The following ADAMTS12 variants were observed in gnomAD, a reference collection of about 807,000 sequenced individuals.
ADAMTS12 encodes the protein ADAM metallopeptidase with thrombospondin type 1 motif 12.
Under a neutral mutation model 167.8 loss-of-function variants are expected in ADAMTS12, and 118 were observed. That is an observed-to-expected ratio of 0.70 (90% CI 0.61 to 0.82). The LOEUF (loss-of-function observed/expected upper bound fraction) is 0.82, where lower values mean the gene tolerates loss of function less well. Among genes scored for constraint, ADAMTS12 ranks in the 40% least tolerant of loss-of-function variants. The probability of loss-of-function intolerance (pLI) is 0.00; values close to 1 mark genes in which losing one functional copy is unlikely to be tolerated. For missense variants in ADAMTS12, 1,916 were observed against 1,998.8 expected (o/e 0.96, Z 0.79); for synonymous variants, 704 against 716.9 (o/e 0.98, Z 0.29).
At chr5:33,588,213 T>G (rs923684397) in intron 18 of ADAMTS12, among the ~76,000 whole-genome samples, 3 of 152,178 alleles carry the variant, frequency 2.0e-5, no homozygotes. Context: ...TTGGTTTGGG[T>G]TAACTACAGT....
intron 2 of ADAMTS12, among the ~76,000 whole-genome samples, chr5:33,808,799 G>A (rs1268195453): frequency 1.3e-5 from 2 of 152,176 alleles, no homozygotes; most frequent in Non-Finnish European, 2.9e-5. Context: ...TGAGGCCCAA[G>A]GAGATTAAAA....
chr5:33,787,299 G>A (rs1252650761), intron 2 of ADAMTS12, among the ~76,000 whole-genome samples: 2 of 152,218 alleles, frequency 1.3e-5, no homozygotes, highest in East Asian at 3.8e-4. Flanking sequence ...TTAGAAGAAA[G>A]ACAGGTTTGT....
intron 3 of ADAMTS12, among the ~76,000 whole-genome samples, chr5:33,734,879 T>C (rs1332012219): frequency 1.3e-5 from 2 of 152,210 alleles, no homozygotes; most frequent in East Asian, 3.8e-4. Flanking sequence ...TCTGTAACTC[T>C]TTGGCTCTCA....
intron 17 of ADAMTS12, among the ~76,000 whole-genome samples, chr5:33,589,180 G>A (rs1399872564): frequency 6.6e-6 from 1 of 152,166 alleles, no homozygotes; most frequent in Admixed American, 6.5e-5. Flanking sequence ...CTTTATATGA[G>A]TGTTGTGTTG....
At position 33,577,175 on chromosome 5, in the gene ADAMTS12, C is replaced by T. The variant is rs745531836; in HGVS notation, c.2866-15G>A. 2.0e-5 allele frequency: 33 copies of T among 1,613,896 alleles called. No individual in the cohort carries two copies. The highest frequency in any genetic ancestry group is 2.5e-5 in the Non-Finnish European group (30 of 1,180,014). On this transcript the variant is annotated splice_polypyrimidine_tract_variant and intron_variant, in intron 18 of 23. Transcript: ENST00000504830. Reference sequence around the variant, plus strand: ...GAAACAGAACACTAGAAGAGAGAAACAGCTGTTAGCCTGGCGAGAGAAGAT... The same window carrying T: ...GAAACAGAACACTAGAAGAGAGAAATAGCTGTTAGCCTGGCGAGAGAAGAT...
intron 16 of ADAMTS12, among the ~76,000 whole-genome samples, chr5:33,613,986 C>T (rs1298956971): frequency 1.3e-5 from 2 of 152,124 alleles, no homozygotes; most frequent in Non-Finnish European, 2.9e-5. Flanking sequence ...AACATTCAAA[C>T]AAAGGTTTTA....
chr5:33,811,386 G>C (rs978024975), intron 2 of ADAMTS12, among the ~76,000 whole-genome samples: 1 of 152,168 alleles, frequency 6.6e-6, no homozygotes, highest in African/African-American at 2.4e-5. Context: ...GGAGTGCAGG[G>C]GAAGGATGAC....
Position 33,568,826 on chromosome 5 carries a change from G to A in ADAMTS12, c.3972+7228C>T, listed in dbSNP as rs559078429. ...CTCGGGAAGCGCAAGGGGTCAGGGA[G>A]TTCCCTTTCCTGGTCAAGGAAAGGG... is the stretch of plus-strand genomic sequence containing the variant. On this transcript the variant is annotated intron_variant, in intron 19 of 23. Transcript: ENST00000504830. 3.3e-5 allele frequency among the ~76,000 whole-genome samples: 5 copies of A among 152,336 alleles called. 1 individual carries two copies. In the East Asian group the frequency reaches 9.7e-4, roughly 29 times the overall value.
chr5:33,888,156 C>T (rs1750705838), intron 1 of ADAMTS12: 1 of 152,158 alleles, frequency 6.6e-6, no homozygotes, highest in Admixed American at 6.5e-5. Context: ...GCTTCCAAAG[C>T]GAGCATTATC....
At chr5:33,594,717 G>C (rs1747826421) in intron 17 of ADAMTS12, among the ~76,000 whole-genome samples, 1 of 152,094 alleles carries the variant, frequency 6.6e-6, no homozygotes, top group African/African-American at 2.4e-5. Context: ...ATAGTGGTGG[G>C]GTCCAGCTCC....
chr5:33,530,015 G>A (rs1744017132), intron 23 of ADAMTS12, among the ~76,000 whole-genome samples: 1 of 152,096 alleles, frequency 6.6e-6, no homozygotes, highest in Admixed American at 6.5e-5. Flanking sequence ...TGCCTCCCGG[G>A]TTCAAGCAAT....
rs375526664 is a variant in ADAMTS12, at chr5:33,614,274, C to T, written c.2491G>A (p.Gly831Ser). The change falls in exon 16 of 24, where the codon GGC becomes AGC. Residue 831 changes from glycine to serine, a missense_variant. Coordinates refer to ENST00000504830, the MANE Select transcript of ADAMTS12 (RefSeq NM_030955.4). ...GTCACACTGCACTCTGTCCAGTGGCCGTACTGCCAGAAGTACATCTGCTGC... is the reference window on the plus strand; with the variant it reads ...GTCACACTGCACTCTGTCCAGTGGCTGTACTGCCAGAAGTACATCTGCTGC... Reference protein sequence around the residue: ...VEQQMYFWQYGHWTECSVTCG... With the variant: ...VEQQMYFWQYSHWTECSVTCG... The T allele has an allele frequency of 3.2e-5, 51 of 1,613,996 alleles. No individual in the cohort carries two copies. In the East Asian group the frequency reaches 4.2e-4, roughly 13 times the overall value.
At chr5:33,660,239 G>A (rs750813275) in intron 6 of ADAMTS12, among the ~76,000 whole-genome samples, 6 of 152,160 alleles carry the variant, frequency 3.9e-5, no homozygotes, top group Non-Finnish European at 7.3e-5. Context: ...CAGATCCTTC[G>A]TATTCATATT....
At chr5:33,645,113 C>T (rs1740611743) in intron 9 of ADAMTS12, among the ~76,000 whole-genome samples, 1 of 151,602 alleles carries the variant, frequency 6.6e-6, no homozygotes, top group Non-Finnish European at 1.5e-5. Context: ...TATTTCCAGG[C>T]ATCCATGGTA....
intron 16 of ADAMTS12, among the ~76,000 whole-genome samples, chr5:33,610,400 G>C (rs1405228627): frequency 6.6e-6 from 1 of 152,114 alleles, no homozygotes; most frequent in African/African-American, 2.4e-5. Context: ...CACAAACATA[G>C]AATGTCATTG....
chr5:33,830,021 C>T (rs1337702315), intron 2 of ADAMTS12, among the ~76,000 whole-genome samples: 1 of 152,164 alleles, frequency 6.6e-6, no homozygotes, highest in African/African-American at 2.4e-5. Flanking sequence ...GGAGGCCAGA[C>T]AGCCCAAACT....
chr5:33,848,685 C>A (rs1333888861), intron 2 of ADAMTS12, among the ~76,000 whole-genome samples: 2 of 152,068 alleles, frequency 1.3e-5, no homozygotes, highest in Non-Finnish European at 2.9e-5. Context: ...TGACAACTTG[C>A]CTAGGGAAAA....
intron 3 of ADAMTS12, among the ~76,000 whole-genome samples, chr5:33,746,045 T>TA (rs960592530): frequency 6.6e-6 from 1 of 151,248 alleles, no homozygotes; most frequent in Non-Finnish European, 1.5e-5. Flanking sequence ...GAAGAAAAAA[T>TA]AAAAAACAAA....
intron 23 of ADAMTS12, among the ~76,000 whole-genome samples, chr5:33,532,739 A>G (rs1299750460): frequency 6.6e-6 from 1 of 152,186 alleles, no homozygotes; most frequent in Non-Finnish European, 1.5e-5. Context: ...AAAACTTCAA[A>G]TGGTTTCTAA....
Sources: gnomAD v4.1 joint callset for allele counts (sites outside exome capture counted in the v4.1 genomes callset) on GRCh38, gnomAD v4.1.1 for gene constraint, MANE v1.5 for transcripts, NCBI Gene and HGNC (gene_info 2026-07-23, HGNC 2026-07-21) for gene names.